Variants in HAUS6 observed in about 807,000 individuals in gnomAD.
HAUS6 encodes the protein HAUS augmin like complex subunit 6.
A neutral mutation model predicts 106.8 loss-of-function variants in HAUS6; 80 were observed. The ratio of observed to expected loss-of-function variants is 0.75; its 90% CI spans 0.63 to 0.90. The LOEUF is 0.90. HAUS6 is among the 40% of genes least tolerant of loss of function. The pLI is 0.00. For missense variants in HAUS6, 1,155 were observed against 1,118.1 expected (o/e 1.03, Z -0.47); for synonymous variants, 356 against 379.1 (o/e 0.94, Z 0.71).
chr9:19,066,449 C>T (rs1836761342), intron 12 of HAUS6, among the ~76,000 whole-genome samples: 1 of 152,048 alleles, frequency 6.6e-6, no homozygotes, highest in African/African-American at 2.4e-5. Flanking sequence ...ACACAAATGA[C>T]ATTTAGCTGG....
chr9:19,061,948 T>A (rs2131101202), intron 14 of HAUS6, among the ~76,000 whole-genome samples: 1 of 152,364 alleles, frequency 6.6e-6, no homozygotes, highest in East Asian at 1.9e-4. Flanking sequence ...TAATATCTGC[T>A]AAACCAAATT....
chr9:19,091,448 C>A, intron 4 of HAUS6, among the ~76,000 whole-genome samples: 1 of 152,062 alleles, frequency 6.6e-6, no homozygotes, highest in East Asian at 1.9e-4. Flanking sequence ...AAGTCTTATG[C>A]CTTATTAAAT....
chr9:19,061,231 C>G (rs1836610834), intron 14 of HAUS6, among the ~76,000 whole-genome samples: 3 of 152,070 alleles, frequency 2.0e-5, no homozygotes, highest in African/African-American at 7.2e-5. Context: ...AAGGGCTTCT[C>G]CCTCAAGAAA....
chr9:19,099,652 G>A (rs1817945197), intron 1 of HAUS6, among the ~76,000 whole-genome samples: 2 of 152,150 alleles, frequency 1.3e-5, no homozygotes, highest in South Asian at 4.1e-4. Flanking sequence ...TTAAGAGACA[G>A]GGTCTCACTA....
At chr9:19,089,117 C>T (rs1183071785) in intron 5 of HAUS6, among the ~76,000 whole-genome samples, 1 of 152,070 alleles carries the variant, frequency 6.6e-6, no homozygotes, top group Admixed American at 6.6e-5. Flanking sequence ...GTGGCCTGCG[C>T]CAATAATCCC....
chr9:19,056,397 GTCT>G lies in HAUS6; in HGVS notation c.2811_2813del (p.Glu937del), dbSNP rs755821951. On this transcript the variant is annotated inframe_deletion, in exon 17 of 17. Coordinates refer to ENST00000380502, the MANE Select transcript of HAUS6 (RefSeq NM_017645.5). Reference sequence around the variant, plus strand: ...TTGCATCAAGGCTCTTATTCAAAATGTCTTCTTCTGCAAATTGATTTTAAAAAA... The same window carrying G: ...TTGCATCAAGGCTCTTATTCAAAATGTCTTCTGCAAATTGATTTTAAAAAA... 17 of 1,542,768 alleles carry G rather than the reference GTCT, an allele frequency of 1.1e-5. No homozygotes were observed. The highest frequency in any genetic ancestry group is 1.7e-4 in the Middle Eastern group (1 of 5,944).
At position 19,060,083 on chromosome 9, in the gene HAUS6, C is replaced by G; in HGVS notation, c.1765+5G>C. The G allele has an allele frequency of 6.2e-7, 1 of 1,604,796 alleles. No individual in the cohort carries two copies. Reference sequence around the variant, plus strand: ...AAAAAGTAACAGAAAGCATTATTAACTTACTCAAGTTTTCTGGAGTACGGG... The same window carrying G: ...AAAAAGTAACAGAAAGCATTATTAAGTTACTCAAGTTTTCTGGAGTACGGG... On this transcript the variant is annotated splice_donor_5th_base_variant and intron_variant, in intron 15 of 16. Transcript: ENST00000380502.
At position 19,063,156 on chromosome 9, in the gene HAUS6, G is replaced by C. The variant is rs1451223328; in HGVS notation, c.1481C>G (p.Ala494Gly). The C allele has an allele frequency of 1.9e-6, 3 of 1,605,534 alleles. No individual in the cohort carries two copies. The highest frequency in any genetic ancestry group is 1.7e-6 in the Non-Finnish European group (2 of 1,174,422). The change falls in exon 14 of 17, where the codon GCA (alanine) becomes GGA (glycine). Residue 494 changes from alanine to glycine, a missense_variant. This residue lies in a region of HAUS6 where 761 missense variants were observed against 690.0 expected (regional missense o/e 1.10). Coordinates refer to ENST00000380502, the MANE Select transcript of HAUS6 (RefSeq NM_017645.5). ...KMGTPKEKNEAISKKIPEFEV... is the reference protein window; with the variant it reads ...KMGTPKEKNEGISKKIPEFEV... ...AAATTCTGGTATTTTCTTAGAAATT[G>C]CTTCATTTTTTTCTTTGGGAGTTCC...
intron 1 of HAUS6, among the ~76,000 whole-genome samples, chr9:19,100,163 C>T (rs541277775): frequency 6.6e-6 from 1 of 152,300 alleles, no homozygotes; most frequent in East Asian, 1.9e-4. Flanking sequence ...CACTGCACTC[C>T]CGCCTGGGCG....
chr9:19,075,640 A>G (rs1320268231), intron 11 of HAUS6, among the ~76,000 whole-genome samples: 1 of 152,128 alleles, frequency 6.6e-6, no homozygotes, highest in Non-Finnish European at 1.5e-5. Context: ...TCCAGAACAG[A>G]CAAATACATA....
chr9:19,084,879 A>T (rs1391078758), intron 7 of HAUS6, among the ~76,000 whole-genome samples: 1 of 151,688 alleles, frequency 6.6e-6, no homozygotes, highest in African/African-American at 2.4e-5. Context: ...TGATCCAACC[A>T]TATCGGCCTC....
At position 19,078,299 on chromosome 9, in the gene HAUS6, A is replaced by C. The variant is rs771438394; in HGVS notation, c.1068T>G (p.Tyr356Ter). The change falls in exon 10 of 17, where the codon TAT becomes TAG. Residue 356 changes from tyrosine (Y) to a stop codon, truncating the protein, a stop_gained. Transcript: ENST00000380502. LOFTEE classifies it high-confidence loss of function. Reference protein sequence around the residue: ...ERLSDLKHMRYRIKDDLTTIR... With the variant: ...ERLSDLKHMR ...TAGTTGTGAGATCATCTTTTATTCTATACCTATAATAGCATAAAAAAACTT... is the reference window on the plus strand; with the variant it reads ...TAGTTGTGAGATCATCTTTTATTCTCTACCTATAATAGCATAAAAAAACTT... 6.9e-7 allele frequency: 1 copy of C among 1,448,706 alleles called. No homozygotes were observed. The highest frequency in any genetic ancestry group is 1.8e-5 in the Admixed American group (1 of 54,372). 89.7% of individuals were successfully genotyped at this position (1,448,706 alleles called of 1,614,324 possible).
At chr9:19,092,226 G>A (rs1302338421) in intron 4 of HAUS6, among the ~76,000 whole-genome samples, 1 of 151,870 alleles carries the variant, frequency 6.6e-6, no homozygotes, top group Non-Finnish European at 1.5e-5. Context: ...GGAGGCCAAG[G>A]CAGGAAGACT....
At chr9:19,096,356 G>C (rs1817861467) in intron 2 of HAUS6, among the ~76,000 whole-genome samples, 2 of 152,070 alleles carry the variant, frequency 1.3e-5, no homozygotes, top group South Asian at 4.1e-4. Flanking sequence ...CCTGAGGTCA[G>C]GAGTTTGAGA....
chr9:19,062,277 G>A (rs1256339666), intron 14 of HAUS6, among the ~76,000 whole-genome samples: 2 of 152,126 alleles, frequency 1.3e-5, no homozygotes, highest in Non-Finnish European at 2.9e-5. Context: ...CAGTGATAAT[G>A]ATATGATATT....
At chr9:19,077,000 C>T (rs917008073) in intron 10 of HAUS6, among the ~76,000 whole-genome samples, 1 of 152,128 alleles carries the variant, frequency 6.6e-6, no homozygotes, top group South Asian at 2.1e-4. Flanking sequence ...CACACCACAA[C>T]ACCCAGTTTT....
chr9:19,072,970 C>T (rs554597418), intron 11 of HAUS6, among the ~76,000 whole-genome samples: 11 of 151,678 alleles, frequency 7.3e-5, no homozygotes, highest in African/African-American at 2.4e-4. Context: ...TAACAAAGAA[C>T]CTTTTGGAAG....
intron 10 of HAUS6, 115 bp downstream of exon 10, chr9:19,078,061 G>A (rs568366955): frequency 2.6e-6 from 2 of 767,422 alleles, no homozygotes; most frequent in South Asian, 3.6e-5. Context: ...CTGTACTCCA[G>A]CCAGCTATGA....
intron 1 of HAUS6, among the ~76,000 whole-genome samples, chr9:19,097,091 C>T (rs1450176716): frequency 6.6e-6 from 1 of 152,100 alleles, no homozygotes. Flanking sequence ...TACTGAATAA[C>T]AATAAATAGC....
Sources: allele counts gnomAD v4.1 joint callset (sites outside exome capture counted in the v4.1 genomes callset), GRCh38; gene constraint gnomAD v4.1.1; regional missense constraint gnomAD v4.1.1; transcripts MANE v1.5; gene names NCBI Gene and HGNC (gene_info 2026-07-23, HGNC 2026-07-21).